Variants in TMEM196 observed in about 807,000 individuals in gnomAD.
The protein encoded by TMEM196 is transmembrane protein 196.
In TMEM196, 17 loss-of-function variants were observed where a neutral mutation model predicts 20.0. The ratio of observed to expected loss-of-function variants is 0.85; its 90% confidence interval spans 0.58 to 1.27. The LOEUF (loss-of-function observed/expected upper bound fraction) is 1.27, where lower values mean the gene tolerates loss of function less well. TMEM196 is among the 50% of genes most tolerant of loss of function. The probability of loss-of-function intolerance (pLI) is 0.00; values close to 1 mark genes in which losing one functional copy is unlikely to be tolerated. For missense variants in TMEM196, 267 were observed against 223.0 expected (o/e 1.20, Z -1.26); for synonymous variants, 113 against 88.9 (o/e 1.27, Z -1.52).
chr7:19,739,532 T>C (rs1784516023), intron 1 of TMEM196, among the ~76,000 whole-genome samples: 1 of 152,130 alleles, frequency 6.6e-6, no homozygotes, highest in South Asian at 2.1e-4. Context: ...GAAGTTGCCA[T>C]CTTTGAAGCA....
intron 1 of TMEM196, among the ~76,000 whole-genome samples, chr7:19,730,480 T>G (rs536623570): frequency 6.6e-6 from 1 of 152,348 alleles, no homozygotes; most frequent in Admixed American, 6.5e-5. Context: ...ACTTCTAACT[T>G]GAAATAGCTA....
At chr7:19,756,942 C>G (rs1317387383) in intron 1 of TMEM196, among the ~76,000 whole-genome samples, 1 of 152,056 alleles carries the variant, frequency 6.6e-6, no homozygotes, top group Non-Finnish European at 1.5e-5. Context: ...TGCTCAATAG[C>G]CACATGTGGC....
intron 1 of TMEM196, among the ~76,000 whole-genome samples, chr7:19,741,073 G>A (rs1234431375): frequency 6.6e-6 from 1 of 152,068 alleles, no homozygotes; most frequent in African/African-American, 2.4e-5. Flanking sequence ...CATTTTGATA[G>A]TCTCTCGACC....
At chr7:19,734,889 G>A (rs570861346) in intron 1 of TMEM196, among the ~76,000 whole-genome samples, 2 of 152,140 alleles carry the variant, frequency 1.3e-5, no homozygotes, top group East Asian at 1.9e-4. Flanking sequence ...ACTGGAAGTA[G>A]TATTCAGGAC....
At position 19,744,037 on chromosome 7, in the gene TMEM196, C is replaced by T. The variant is rs898837929; in HGVS notation, c.148-14599G>A. On this transcript the variant is annotated intron_variant, in intron 1 of 4. Coordinates refer to ENST00000405844, the MANE Select transcript of TMEM196 (RefSeq NM_001363562.2). ...TTAAGGACTAGATTGTGGAAGAAAG[C>T]GTTATAATTGAAGTACAGTAATGGT... 9.2e-5 allele frequency among the ~76,000 whole-genome samples: 14 copies of T among 152,118 alleles called. No individual in the cohort carries two copies. The South Asian group carries it at 1.9e-3, about 20-fold the overall frequency.
intron 1 of TMEM196, among the ~76,000 whole-genome samples, chr7:19,748,139 C>G (rs1784828066): frequency 6.6e-6 from 1 of 151,620 alleles, no homozygotes; most frequent in Non-Finnish European, 1.5e-5. Flanking sequence ...GCTTACAATG[C>G]TATCCTGCAT....
intron 1 of TMEM196, among the ~76,000 whole-genome samples, chr7:19,733,866 A>G (rs1263525689): frequency 2.0e-5 from 3 of 152,336 alleles, no homozygotes; most frequent in South Asian, 2.1e-4. Context: ...GATCAGGCGC[A>G]CAAGGACTTC....
At chr7:19,728,384 A>G (rs546012137) in intron 2 of TMEM196, among the ~76,000 whole-genome samples, 14 of 152,294 alleles carry the variant, frequency 9.2e-5, no homozygotes, top group African/African-American at 3.1e-4. Flanking sequence ...GCCTGAAAAA[A>G]TACATTTTTT....
At chr7:19,760,350 T>TC (rs1785387412) in intron 1 of TMEM196, among the ~76,000 whole-genome samples, 1 of 147,788 alleles carries the variant, frequency 6.8e-6, no homozygotes, top group African/African-American at 2.5e-5. Flanking sequence ...CTATATATTT[T>TC]CCTTTTTTTT....
At chr7:19,737,649 G>A (rs1371194642) in intron 1 of TMEM196, among the ~76,000 whole-genome samples, 1 of 151,836 alleles carries the variant, frequency 6.6e-6, no homozygotes, top group African/African-American at 2.4e-5. Context: ...ATATAAAAAA[G>A]GCTGTCTGAG....
intron 1 of TMEM196, among the ~76,000 whole-genome samples, chr7:19,753,775 C>T (rs531634318): frequency 6.6e-6 from 1 of 152,202 alleles, no homozygotes; most frequent in Admixed American, 6.5e-5. Context: ...ACCAAGCCTA[C>T]CTCTTCAAGC....
In TMEM196 at chr7:19,719,468, C is replaced by T. The variant is rs918645118; in HGVS notation, c.*2660G>A. The T allele has an allele frequency of 1.3e-5, 2 of 152,062 alleles. No individual in the cohort carries two copies. The highest frequency in any genetic ancestry group is 2.4e-5 in the African/African-American group (1 of 41,496). The allele number at this position is 152,062 out of a possible 1,614,324, so 9.4% of individuals were successfully genotyped here. On this transcript the variant is annotated 3_prime_UTR_variant, in exon 5 of 5. Coordinates refer to ENST00000405844, the MANE Select transcript of TMEM196 (RefSeq NM_001363562.2). ...ACATATATGTTTAAAATTTCCAAAG[C>T]GAGCCCAATTTTATTCTTTTATGCT... is the stretch of plus-strand genomic sequence containing the variant.
At chr7:19,723,799 A>G (rs1303321947) in intron 4 of TMEM196, among the ~76,000 whole-genome samples, 1 of 152,212 alleles carries the variant, frequency 6.6e-6, no homozygotes, top group Non-Finnish European at 1.5e-5. Context: ...ACTAAATTTA[A>G]AATGCATCAC....
intron 1 of TMEM196, among the ~76,000 whole-genome samples, chr7:19,737,293 A>T (rs1372952415): frequency 6.6e-6 from 1 of 152,088 alleles, no homozygotes; most frequent in Admixed American, 6.6e-5. Context: ...GAATGGCTAA[A>T]ATTAAACAAA....
chr7:19,744,425 A>T (rs893797450), intron 1 of TMEM196, among the ~76,000 whole-genome samples: 1 of 152,194 alleles, frequency 6.6e-6, no homozygotes, highest in Non-Finnish European at 1.5e-5. Flanking sequence ...AAGCAAAAAG[A>T]TTAAGCCTGA....
At chr7:19,761,886 A>G in intron 1 of TMEM196, among the ~76,000 whole-genome samples, 1 of 152,194 alleles carries the variant, frequency 6.6e-6, no homozygotes. Flanking sequence ...GATCAGCCTT[A>G]ATTCTCAGAA....
chr7:19,755,046 A>G (rs953749211), intron 1 of TMEM196, among the ~76,000 whole-genome samples: 4 of 152,176 alleles, frequency 2.6e-5, no homozygotes, highest in African/African-American at 9.7e-5. Flanking sequence ...AAAGTGCTCA[A>G]TCTTGGGTTA....
intron 1 of TMEM196, among the ~76,000 whole-genome samples, chr7:19,736,376 T>C (rs1038931796): frequency 7.7e-5 from 4 of 51,862 alleles, no homozygotes; most frequent in African/African-American, 3.4e-4. Context: ...TATATATATA[T>C]ATATATATAT....
chr7:19,754,945 T>A (rs1182502720), intron 1 of TMEM196, among the ~76,000 whole-genome samples: 1 of 152,224 alleles, frequency 6.6e-6, no homozygotes, highest in Non-Finnish European at 1.5e-5. Flanking sequence ...TTATTATTTA[T>A]AATGAAATGA....
Sources: gnomAD v4.1 joint callset for allele counts (sites outside exome capture counted in the v4.1 genomes callset) on GRCh38, gnomAD v4.1.1 for gene constraint, MANE v1.5 for transcripts, NCBI Gene and HGNC (gene_info 2026-07-23, HGNC 2026-07-21) for gene names.